PDGFRL: variants seen among roughly 807,000 people sequenced by gnomAD.
The protein encoded by PDGFRL is platelet-derived growth factor receptor-like protein.
A neutral mutation model predicts 37.2 loss-of-function variants in PDGFRL; 46 were observed. The ratio of observed to expected loss-of-function variants is 1.24; its 90% CI spans 0.98 to 1.58. The LOEUF is 1.58. Ranked by LOEUF, PDGFRL falls within the 40% of genes most tolerant of loss-of-function variation. PDGFRL has a pLI of 0.00. For synonymous variants in PDGFRL, 251 were observed against 184.3 expected, an observed-to-expected ratio of 1.36 and a Z score of -2.93; for missense variants, 692 against 467.6, an observed-to-expected ratio of 1.48 and a Z score of -4.43.
intron 2 of PDGFRL, among the ~76,000 whole-genome samples, chr8:17,615,445 G>A (rs369070493): frequency 6.6e-6 from 1 of 152,140 alleles, no homozygotes; most frequent in African/African-American, 2.4e-5. Flanking sequence ...ATTTATAAGT[G>A]TTTGTAACCT....
At chr8:17,603,460 C>G (rs1190738988) in intron 2 of PDGFRL, among the ~76,000 whole-genome samples, 1 of 152,156 alleles carries the variant, frequency 6.6e-6, no homozygotes, top group Non-Finnish European at 1.5e-5. Flanking sequence ...ACTGTATTTT[C>G]AGGTGCTGAA....
At chr8:17,597,915 T>C (rs1213331670) in intron 2 of PDGFRL, among the ~76,000 whole-genome samples, 2 of 152,236 alleles carry the variant, frequency 1.3e-5, no homozygotes, top group East Asian at 3.9e-4. Flanking sequence ...TATGGATTTT[T>C]ATGTAGATCT....
intron 4 of PDGFRL, among the ~76,000 whole-genome samples, chr8:17,629,071 C>G (rs141454972): frequency 1.3e-5 from 2 of 150,566 alleles, no homozygotes; most frequent in Non-Finnish European, 2.9e-5. Context: ...GTATGAGCCA[C>G]CATGCCCTGC....
chr8:17,605,909 G>T (rs1295532906), intron 2 of PDGFRL, among the ~76,000 whole-genome samples: 1 of 152,030 alleles, frequency 6.6e-6, no homozygotes, highest in African/African-American at 2.4e-5. Flanking sequence ...AGAAGGGAGG[G>T]CATCGGGCTT....
intron 3 of PDGFRL, among the ~76,000 whole-genome samples, chr8:17,622,538 G>A (rs1294849743): frequency 6.6e-6 from 1 of 152,216 alleles, no homozygotes; most frequent in Non-Finnish European, 1.5e-5. Flanking sequence ...TCTCTGGCAA[G>A]GAGATGCATT....
intron 3 of PDGFRL, 96 bp from the exon 4 acceptor site, chr8:17,628,391 G>A: frequency 1.2e-6 from 1 of 850,028 alleles, no homozygotes; most frequent in Non-Finnish European, 2.0e-6. Flanking sequence ...CTACTCCTAA[G>A]GACTCAGTAT....
At chr8:17,595,361 C>T (rs1486841901) in intron 2 of PDGFRL, among the ~76,000 whole-genome samples, 1 of 152,146 alleles carries the variant, frequency 6.6e-6, no homozygotes, top group African/African-American at 2.4e-5. Context: ...GCAGGCCCAG[C>T]TCATATCCCT....
chr8:17,623,761 C>A (rs1804679366), intron 3 of PDGFRL, among the ~76,000 whole-genome samples: 1 of 151,750 alleles, frequency 6.6e-6, no homozygotes, highest in South Asian at 2.1e-4. Context: ...GTGCTCCCAG[C>A]TGCTCAGGAG....
intron 2 of PDGFRL, among the ~76,000 whole-genome samples, chr8:17,612,351 T>G (rs1002332654): frequency 6.6e-6 from 1 of 152,118 alleles, no homozygotes; most frequent in Non-Finnish European, 1.5e-5. Context: ...TCCCTCTTCC[T>G]TCTTCCTTCT....
At chr8:17,596,353 C>A (rs2246502) in intron 2 of PDGFRL, 14 of 1,238,258 alleles carry the variant, frequency 1.1e-5, no homozygotes, top group Non-Finnish European at 1.4e-5. Context: ...AAGAAGCCAA[C>A]GCGCCCGCAG....
intron 1 of PDGFRL, among the ~76,000 whole-genome samples, chr8:17,584,938 T>A (rs1803784344): frequency 6.6e-6 from 1 of 152,064 alleles, no homozygotes; most frequent in Non-Finnish European, 1.5e-5. Context: ...TGCTTATACT[T>A]ACGGTTACTT....
intron 3 of PDGFRL, among the ~76,000 whole-genome samples, 184 bp downstream of exon 3, chr8:17,621,386 A>G (rs1335248665): frequency 2.0e-5 from 3 of 151,134 alleles, no homozygotes; most frequent in African/African-American, 7.4e-5. Flanking sequence ...CCTTCAGGGC[A>G]AATACTAATA....
chr8:17,628,119 G>T (rs552510358), intron 3 of PDGFRL, among the ~76,000 whole-genome samples: 1 of 145,866 alleles, frequency 6.9e-6, no homozygotes, highest in African/African-American at 2.6e-5. Flanking sequence ...TCAGCCTCCC[G>T]AGTAGCTGGG....
rs981688729 is a variant in PDGFRL at position 17,577,369 on chromosome 8, C to A, written c.55+62C>A. 2.2e-6 allele frequency: 3 copies of A among 1,363,552 alleles called. No homozygotes were observed. In the African/African-American group the frequency reaches 4.3e-5, roughly 19 times the overall value. 84.5% of individuals were successfully genotyped at this position (1,363,552 alleles called of 1,614,324 possible). ...CCCTGACTTTAGCCGGGACCCGAAG[C>A]CCCCGCCGCCCTCCTGCCAGCTCTT... On this transcript the variant is annotated intron_variant, in intron 1 of 5. Coordinates refer to ENST00000251630, the MANE Select transcript of PDGFRL (RefSeq NM_001372073.1).
intron 2 of PDGFRL, among the ~76,000 whole-genome samples, chr8:17,610,604 G>T (rs760355129): frequency 6.6e-6 from 1 of 152,108 alleles, no homozygotes; most frequent in Non-Finnish European, 1.5e-5. Flanking sequence ...TTTGAAAGAT[G>T]ACCTTGTCAA....
intron 2 of PDGFRL, chr8:17,596,336 C>T (rs1479353867): frequency 1.6e-6 from 2 of 1,238,256 alleles, no homozygotes; most frequent in Non-Finnish European, 2.0e-6. Context: ...GCACGTAACT[C>T]CGTGGGAAGA....
intron 3 of PDGFRL, among the ~76,000 whole-genome samples, chr8:17,624,191 C>G (rs1025846055): frequency 3.9e-5 from 6 of 152,158 alleles, no homozygotes; most frequent in Admixed American, 3.3e-4. Context: ...GTTCTCACTG[C>G]TGGCTCAGGA....
In PDGFRL at chr8:17,606,886, G is replaced by GTT. The variant is rs371085758; in HGVS notation, c.354-14159_354-14158dup. Among the ~76,000 whole-genome samples, 209 of 138,220 alleles carry GTT rather than the reference G, an allele frequency of 1.5e-3. 6 individuals carry two copies. Among genetic ancestry groups the GTT allele is most frequent in the African/African-American group, 2.1e-3 (75 of 35,556 alleles). The allele number at this position is 138,220 out of a possible 152,430, so 90.7% of individuals were successfully genotyped here. A position where few individuals can be genotyped will look rare whatever the true frequency, so the allele number is the denominator to read the frequency against. ...AGAAACAGCCAGTTTTTCGTTTTTTGTTTTTTTGTTTTTTTTTTTTTTTTT... is the reference window on the plus strand; with the variant it reads ...AGAAACAGCCAGTTTTTCGTTTTTTGTTTTTTTTTGTTTTTTTTTTTTTTTTT... On this transcript the variant is annotated intron_variant, in intron 2 of 5. Coordinates refer to ENST00000251630, the MANE Select transcript of PDGFRL (RefSeq NM_001372073.1).
chr8:17,584,456 G>C (rs1390511403), intron 1 of PDGFRL, among the ~76,000 whole-genome samples: 2 of 152,058 alleles, frequency 1.3e-5, no homozygotes, highest in Non-Finnish European at 2.9e-5. Flanking sequence ...GGGGTCACGG[G>C]ATTGTGTGAG....
Sources: allele counts gnomAD v4.1 joint callset (sites outside exome capture counted in the v4.1 genomes callset), GRCh38; gene constraint gnomAD v4.1.1; transcripts MANE v1.5; gene names NCBI Gene and HGNC (gene_info 2026-07-23, HGNC 2026-07-21).